Variants in EHBP1 observed in about 807,000 individuals in gnomAD.
EHBP1 encodes EH domain binding protein 1.
In EHBP1, 55 loss-of-function variants were observed where a neutral mutation model predicts 144.0. The observed-to-expected ratio is 0.38, with a 90% confidence interval of 0.31 to 0.48. EHBP1 has a LOEUF of 0.48. Ranked by LOEUF, EHBP1 falls within the 20% of genes least tolerant of loss-of-function variation. The pLI, the probability that EHBP1 is intolerant of heterozygous loss-of-function variation, is 0.98. For missense variants in EHBP1, 1,200 were observed against 1,364.2 expected (o/e 0.88, Z 1.90); for synonymous variants, 469 against 472.7 (o/e 0.99, Z 0.10).
intron 19 of EHBP1, among the ~76,000 whole-genome samples, chr2:63,000,134 TG>T (rs1010845501): frequency 1.3e-5 from 2 of 152,132 alleles, no homozygotes; most frequent in Non-Finnish European, 2.9e-5. Flanking sequence ...TGGCCCAGAT[TG>T]CTGGGCATTT....
At chr2:62,971,525 T>TA (rs1386189075) in intron 14 of EHBP1, among the ~76,000 whole-genome samples, 1 of 152,204 alleles carries the variant, frequency 6.6e-6, no homozygotes, top group Non-Finnish European at 1.5e-5. Flanking sequence ...GTAATCACTG[T>TA]AGGGCCTCAG....
intron 6 of EHBP1, among the ~76,000 whole-genome samples, chr2:62,830,203 TACAC>T (rs1482499626): frequency 1.2e-5 from 1 of 82,524 alleles, no homozygotes; most frequent in South Asian, 3.4e-4. Context: ...CACATATATA[TACAC>T]ATATACACAC....
chr2:62,930,178 G>T lies in EHBP1; in HGVS notation c.1186-12540G>T, dbSNP rs1334645645. On this transcript the variant is annotated intron_variant, in intron 10 of 22. Transcript: ENST00000431489. ...TGGGAGGATTGCTTGCGCCCAGAAT[G>T]TCAAGGCTGCAGTGAGTTGTGACCA... is the stretch of plus-strand genomic sequence containing the variant. Among the ~76,000 whole-genome samples, 3 of 152,152 alleles carry T rather than the reference G, an allele frequency of 2.0e-5. No homozygotes were observed. In the East Asian group the frequency reaches 5.8e-4, roughly 29 times the overall value.
At chr2:62,953,162 A>G (rs755467262) in intron 13 of EHBP1, among the ~76,000 whole-genome samples, 18 of 136,302 alleles carry the variant, frequency 1.3e-4, no homozygotes, top group Non-Finnish European at 2.4e-4. Context: ...GGTTGCGGTG[A>G]GCCGAGCTGG....
chr2:62,841,924 A>G (rs1311120500), intron 7 of EHBP1, among the ~76,000 whole-genome samples: 2 of 152,212 alleles, frequency 1.3e-5, no homozygotes, highest in East Asian at 3.9e-4. Flanking sequence ...ATCAACAGAA[A>G]TTTATTGCAC....
chr2:62,711,424 G>T (rs917817857), intron 2 of EHBP1, among the ~76,000 whole-genome samples: 4 of 152,164 alleles, frequency 2.6e-5, no homozygotes, highest in Non-Finnish European at 5.9e-5. Flanking sequence ...AAGGGATAGG[G>T]GAACACTTGG....
intron 5 of EHBP1, among the ~76,000 whole-genome samples, chr2:62,799,003 CAAAAAAAAAAA>C (rs757731955): frequency 5.2e-5 from 4 of 76,786 alleles, no homozygotes; most frequent in African/African-American, 2.2e-4. Flanking sequence ...GACTCCGTCT[CAAAAAAAAAAA>C]AAAAAAAAAA....
chr2:62,977,854 A>C (rs1363042072), intron 14 of EHBP1, among the ~76,000 whole-genome samples: 3 of 152,196 alleles, frequency 2.0e-5, no homozygotes, highest in Non-Finnish European at 4.4e-5. Flanking sequence ...ACTTTATTTC[A>C]TAGGGAAATG....
intron 5 of EHBP1, among the ~76,000 whole-genome samples, chr2:62,780,223 A>G (rs938288239): frequency 6.6e-6 from 1 of 152,140 alleles, no homozygotes; most frequent in African/African-American, 2.4e-5. Flanking sequence ...AGAAGCAACA[A>G]AGCTTCTCTT....
chr2:62,742,221 T>C (rs1390631058), intron 2 of EHBP1, among the ~76,000 whole-genome samples: 3 of 152,138 alleles, frequency 2.0e-5, no homozygotes, highest in African/African-American at 4.8e-5. Context: ...ACTATATCTC[T>C]ATCTATCGTT....
chr2:62,687,139 T>C (rs1194381525), intron 1 of EHBP1, among the ~76,000 whole-genome samples: 1 of 152,222 alleles, frequency 6.6e-6, no homozygotes, highest in African/African-American at 2.4e-5. Context: ...TCTCTTTTTC[T>C]TTATTCTTAA....
chr2:62,806,522 G>A (rs1192299146), intron 5 of EHBP1, among the ~76,000 whole-genome samples: 1 of 151,522 alleles, frequency 6.6e-6, no homozygotes, highest in Non-Finnish European at 1.5e-5. Flanking sequence ...AGGCATGCAC[G>A]ACCACACCCC....
At chr2:63,029,712 A>T (rs1345823050) in intron 19 of EHBP1, among the ~76,000 whole-genome samples, 1 of 152,098 alleles carries the variant, frequency 6.6e-6, no homozygotes, top group African/African-American at 2.4e-5. Context: ...AATTTTTTTT[A>T]AAAGCTAAAC....
intron 7 of EHBP1, among the ~76,000 whole-genome samples, chr2:62,853,995 A>C (rs2048859071): frequency 6.6e-6 from 1 of 152,240 alleles, no homozygotes; most frequent in Non-Finnish European, 1.5e-5. Context: ...GCCTTTATAC[A>C]GCACAGGCAC....
At chr2:62,883,893 C>T (rs1370658655) in intron 10 of EHBP1, among the ~76,000 whole-genome samples, 1 of 152,146 alleles carries the variant, frequency 6.6e-6, no homozygotes, top group Non-Finnish European at 1.5e-5. Flanking sequence ...ATCACTTGAG[C>T]CTGGGAGGTA....
chr2:62,837,375 C>G (rs1178922272), intron 7 of EHBP1, among the ~76,000 whole-genome samples: 15 of 148,486 alleles, frequency 1.0e-4, no homozygotes, highest in Non-Finnish European at 2.3e-4. Flanking sequence ...GTACCAGCCG[C>G]TGCAAAATCA....
At chr2:62,935,227 G>T (rs2056287681) in intron 10 of EHBP1, among the ~76,000 whole-genome samples, 2 of 151,308 alleles carry the variant, frequency 1.3e-5, no homozygotes, top group South Asian at 4.2e-4. Context: ...TACTCGGGAG[G>T]CTGAGGCAGG....
chr2:62,909,204 G>A (rs754333962), intron 10 of EHBP1, among the ~76,000 whole-genome samples: 1 of 152,034 alleles, frequency 6.6e-6, no homozygotes, highest in Non-Finnish European at 1.5e-5. Flanking sequence ...CCCGAGACAA[G>A]GTCTCACGCT....
chr2:62,725,872 A>G (rs931232961), intron 2 of EHBP1, among the ~76,000 whole-genome samples: 4 of 152,106 alleles, frequency 2.6e-5, no homozygotes, highest in Admixed American at 2.0e-4. Context: ...GTGCGTGGCT[A>G]TGAGAGCTGC....
Sources: gnomAD v4.1 joint callset for allele counts (sites outside exome capture counted in the v4.1 genomes callset) on GRCh38, gnomAD v4.1.1 for gene constraint, MANE v1.5 for transcripts, NCBI Gene and HGNC (gene_info 2026-07-23, HGNC 2026-07-21) for gene names.